Variants in PPP2R5D observed in about 807,000 individuals in gnomAD.
The protein encoded by PPP2R5D is protein phosphatase 2 regulatory subunit B'delta, also known as serine/threonine-protein phosphatase 2A 56 kDa regulatory subunit delta isoform.
A neutral mutation model predicts 79.1 loss-of-function variants in PPP2R5D; 12 were observed. The observed-to-expected ratio is 0.15, with a 90% CI of 0.10 to 0.25. The LOEUF is 0.25. Ranked by LOEUF, PPP2R5D falls within the 10% of genes least tolerant of loss-of-function variation. PPP2R5D has a pLI of 1.00. For missense variants in PPP2R5D, 419 were observed against 760.2 expected (o/e 0.55, Z 5.28); for synonymous variants, 277 against 286.6 (o/e 0.97, Z 0.34).
At chr6:42,988,160 TTC>T (rs1458545644) in intron 1 of PPP2R5D, among the ~76,000 whole-genome samples, 1 of 152,170 alleles carries the variant, frequency 6.6e-6, no homozygotes, top group Non-Finnish European at 1.5e-5. Context: ...CAGAGCTCTC[TTC>T]TCCCTGAAAT....
In PPP2R5D at chr6:43,011,264, C is replaced by G; in HGVS notation, c.1787C>G (p.Thr596Ser). Residue 596 changes from threonine (T) to serine (S), a missense_variant, in exon 16 of 16, where the codon ACT becomes AGT. By Grantham distance (58) the Thr-to-Ser change is moderately conservative (BLOSUM62 1). This residue lies in a region of PPP2R5D where 84 missense variants were observed against 105.4 expected (regional missense o/e 0.80). Transcript: ENST00000485511. Reference sequence around the variant, plus strand: ...CACAAGCGGGCGGAAGAGTTCCTAACTGCCAGCCAGGAGGCTCTCTGACCC... The same window carrying G: ...CACAAGCGGGCGGAAGAGTTCCTAAGTGCCAGCCAGGAGGCTCTCTGACCC... ...EAHKRAEEFL[T>S]ASQEAL 6.2e-7 allele frequency: 1 copy of G among 1,614,028 alleles called. No individual in the cohort carries two copies. The highest frequency in any genetic ancestry group is 1.1e-5 in the South Asian group (1 of 91,090).
intron 1 of PPP2R5D, among the ~76,000 whole-genome samples, chr6:42,985,737 C>G (rs1055809130): frequency 4.7e-4 from 71 of 152,020 alleles, no homozygotes; most frequent in Non-Finnish European, 2.2e-4. Context: ...CCCCTGAACA[C>G]CCATGTCTTT....
At position 43,012,300 on chromosome 6, in the gene PPP2R5D, T is replaced by C. The variant is rs758451717; in HGVS notation, c.*1014T>C. 25 of 1,386,256 alleles carry C rather than the reference T, an allele frequency of 1.8e-5. No homozygotes were observed. Among genetic ancestry groups the C allele is most frequent in the Non-Finnish European group, 2.3e-5 (25 of 1,068,870 alleles). 85.9% of individuals were successfully genotyped at this position (1,386,256 alleles called of 1,614,324 possible). A position where few individuals can be genotyped will look rare whatever the true frequency, so the allele number is the denominator to read the frequency against. ...CTAAGGTGGGTTGGGCTTGGACCGA[T>C]GTCCCCATATGTACAGAACTGAATA... On this transcript the variant is annotated 3_prime_UTR_variant, in exon 16 of 16. Coordinates refer to ENST00000485511, the MANE Select transcript of PPP2R5D (RefSeq NM_006245.4).
chr6:42,998,325 G>A (rs914348929), intron 2 of PPP2R5D, among the ~76,000 whole-genome samples: 51 of 151,464 alleles, frequency 3.4e-4, no homozygotes, highest in African/African-American at 1.2e-3. Context: ...TGCCTGCCTC[G>A]GCCTCCCAAA....
In PPP2R5D at chr6:43,007,149, G is replaced by A. The variant is rs752730057; in HGVS notation, c.522+39G>A. On this transcript the variant is annotated intron_variant, in intron 4 of 15. Coordinates refer to ENST00000485511, the MANE Select transcript of PPP2R5D (RefSeq NM_006245.4). This position sits in a 1 kb window ranked among gnomAD's most constrained non-coding sequence, Gnocchi z 4.5. Reference sequence around the variant, plus strand: ...AAGGACACAGGGGGGACTGGTGAGGGGCTCTGGAGAAGCCCAGGTGGAGCT... The same window carrying A: ...AAGGACACAGGGGGGACTGGTGAGGAGCTCTGGAGAAGCCCAGGTGGAGCT... 1.1e-5 allele frequency: 17 copies of A among 1,614,080 alleles called. No individual in the cohort carries two copies. The South Asian group carries it at 1.9e-4, about 18-fold the overall frequency.
At chr6:42,998,018 TA>T (rs1771847633) in intron 2 of PPP2R5D, among the ~76,000 whole-genome samples, 41 of 8,166 alleles carry the variant, frequency 5.0e-3, no homozygotes, top group African/African-American at 0.02. Flanking sequence ...GTTTTATTTA[TA>T]TATATATATA....
Position 43,008,828 on chromosome 6 carries a change from G to T in PPP2R5D, c.1080+82G>T. The T allele has an allele frequency of 1.3e-6, 2 of 1,494,804 alleles. No homozygotes were observed. The highest frequency in any genetic ancestry group is 1.8e-4 in the Middle Eastern group (1 of 5,678). The allele number at this position is 1,494,804 out of a possible 1,614,324, so 92.6% of individuals were successfully genotyped here. ...TCTGTACCTACTGGGGGTGCCATAA[G>T]GGGGAACTCAGGAGGGCTGTGACCT... On this transcript the variant is annotated intron_variant, in intron 10 of 15. Transcript: ENST00000485511. This position sits in a 1 kb window ranked among gnomAD's most constrained non-coding sequence, Gnocchi z 4.2.
Position 43,009,508 on chromosome 6 carries a change from T to C in PPP2R5D, c.1379+59T>C, listed in dbSNP as rs1762247900. ...TCCAGTTTGGGAAACTTTGAGGGTA[T>C]GGAAGAACTAAAGAGCCAGGGGTCT... is the stretch of plus-strand genomic sequence containing the variant. On this transcript the variant is annotated intron_variant, in intron 12 of 15. Coordinates refer to ENST00000485511, the MANE Select transcript of PPP2R5D (RefSeq NM_006245.4). This position sits in a 1 kb window ranked among gnomAD's most constrained non-coding sequence, Gnocchi z 5.6. The C allele has an allele frequency of 1.2e-6, 2 of 1,608,210 alleles. No individual in the cohort carries two copies. The highest frequency in any genetic ancestry group is 1.7e-6 in the Non-Finnish European group (2 of 1,176,644).
chr6:43,006,073 C>CTCTTCTTATTCCTCATGTG lies in PPP2R5D; in HGVS notation c.106-378_106-360dup, dbSNP rs1762059974. ...ACATTACTCAGAAGGCTCCTCATGT[C>CTCTTCTTATTCCTCATGTG]TCTTCTTATTCCTCATGTGTCTTCT... On this transcript the variant is annotated intron_variant, in intron 2 of 15. Coordinates refer to ENST00000485511, the MANE Select transcript of PPP2R5D (RefSeq NM_006245.4). The surrounding 1 kb of genome is among the most constrained non-coding windows in gnomAD (Gnocchi z 4.7). 1.3e-5 allele frequency among the ~76,000 whole-genome samples: 2 copies of CTCTTCTTATTCCTCATGTG among 152,182 alleles called. No individual in the cohort carries two copies. Among genetic ancestry groups the CTCTTCTTATTCCTCATGTG allele is most frequent in the Non-Finnish European group, 2.9e-5 (2 of 68,028 alleles).
intron 2 of PPP2R5D, among the ~76,000 whole-genome samples, chr6:42,997,240 T>G (rs1393896187): frequency 1.3e-5 from 2 of 152,050 alleles, no homozygotes; most frequent in African/African-American, 4.8e-5. Flanking sequence ...TTTCCCAGGC[T>G]GGAGTGCAAT....
In PPP2R5D at chr6:42,991,807, T is replaced by C. The variant is rs571013823; in HGVS notation, c.105+2119T>C. 3.9e-5 allele frequency among the ~76,000 whole-genome samples: 6 copies of C among 152,258 alleles called. No individual in the cohort carries two copies. The South Asian group carries it at 1.2e-3, about 32-fold the overall frequency. On this transcript the variant is annotated intron_variant, in intron 2 of 15. Transcript: ENST00000485511. ...GTATGCTGAGACCAACTGCTATGAT[T>C]TATCCACTGCCTTTCAAACAAATAT...
intron 1 of PPP2R5D, among the ~76,000 whole-genome samples, chr6:42,986,974 G>A (rs1315776494): frequency 1.3e-5 from 2 of 152,138 alleles, no homozygotes; most frequent in Non-Finnish European, 2.9e-5. Context: ...AGGGGCAGGG[G>A]GGTTGCCAGT....
intron 2 of PPP2R5D, among the ~76,000 whole-genome samples, chr6:42,992,835 A>G (rs542695389): frequency 6.6e-6 from 1 of 152,154 alleles, no homozygotes; most frequent in African/African-American, 2.4e-5. Flanking sequence ...AAAACAAAAC[A>G]AAACAAATTA....
intron 2 of PPP2R5D, among the ~76,000 whole-genome samples, chr6:43,004,705 A>G (rs1294831872): frequency 1.3e-5 from 2 of 149,980 alleles, no homozygotes; most frequent in African/African-American, 2.4e-5. Flanking sequence ...GCAAATTACT[A>G]TGAACGTGAA....
In PPP2R5D at chr6:43,007,147, G is replaced by T. The variant is rs776864617; in HGVS notation, c.522+37G>T. ...GAAAGGACACAGGGGGGACTGGTGA[G>T]GGGCTCTGGAGAAGCCCAGGTGGAG... On this transcript the variant is annotated intron_variant, in intron 4 of 15. Transcript: ENST00000485511. The surrounding 1 kb of genome is among the most constrained non-coding windows in gnomAD (Gnocchi z 4.5). 6.2e-7 allele frequency: 1 copy of T among 1,614,000 alleles called. No individual in the cohort carries two copies. Among genetic ancestry groups the T allele is most frequent in the African/African-American group, 1.3e-5 (1 of 74,922 alleles).
At position 43,007,702 on chromosome 6, in the gene PPP2R5D, G is replaced by A. The variant is rs1425732530; in HGVS notation, c.726+196G>A. Among the ~76,000 whole-genome samples the A allele has an allele frequency of 6.6e-6, 1 of 152,008 alleles. No homozygotes were observed. The highest frequency in any genetic ancestry group is 2.4e-5 in the African/African-American group (1 of 41,388). ...TAAGAAACTAACAACATAATGGTAGGAAACAAAAAAGCAACAGAGTACCTC... is the reference window on the plus strand; with the variant it reads ...TAAGAAACTAACAACATAATGGTAGAAAACAAAAAAGCAACAGAGTACCTC... On this transcript the variant is annotated intron_variant, in intron 6 of 15. Coordinates refer to ENST00000485511, the MANE Select transcript of PPP2R5D (RefSeq NM_006245.4). This position sits in a 1 kb window ranked among gnomAD's most constrained non-coding sequence, Gnocchi z 4.5.
rs1349588479 is a variant in PPP2R5D, at chr6:43,011,415, G to T, written c.*129G>T. On this transcript the variant is annotated 3_prime_UTR_variant, in exon 16 of 16. Transcript: ENST00000485511. Reference sequence around the variant, plus strand: ...CCTCTCTAGCTACTCAAGGGAGGGGGATGTGGGCACTTGAAGCAGGGACAC... The same window carrying T: ...CCTCTCTAGCTACTCAAGGGAGGGGTATGTGGGCACTTGAAGCAGGGACAC... 5 of 1,284,762 alleles carry T rather than the reference G, an allele frequency of 3.9e-6. No individual in the cohort carries two copies. The East Asian group carries it at 7.5e-5, about 19-fold the overall frequency. The allele number at this position is 1,284,762 out of a possible 1,614,324, so 79.6% of individuals were successfully genotyped here.
chr6:43,010,776 C>G lies in PPP2R5D; in HGVS notation c.1554+40C>G, dbSNP rs780194132. 16 of 1,610,114 alleles carry G rather than the reference C, an allele frequency of 9.9e-6. No individual in the cohort carries two copies. Among genetic ancestry groups the G allele is most frequent in the Non-Finnish European group, 1.4e-5 (16 of 1,176,510 alleles). ...CCACTGTTGTGAACTGAGGGGCCAG[C>G]CCATCTTGAGCTGGGGGAGAGTTTG... is the stretch of plus-strand genomic sequence containing the variant. On this transcript the variant is annotated intron_variant, in intron 14 of 15. Transcript: ENST00000485511. The surrounding 1 kb of genome is among the most constrained non-coding windows in gnomAD (Gnocchi z 4.7).
chr6:42,988,070 C>T (rs1770984465), intron 1 of PPP2R5D, among the ~76,000 whole-genome samples: 1 of 151,946 alleles, frequency 6.6e-6, no homozygotes, highest in African/African-American at 2.4e-5. Context: ...AACTCCTTCC[C>T]CCTACTGCAT....
Sources: gnomAD v4.1 joint callset for allele counts (sites outside exome capture counted in the v4.1 genomes callset) on GRCh38, gnomAD v4.1.1 for gene constraint, gnomAD v4.1.1 regional missense constraint, Gnocchi (gnomAD v3.1) non-coding constraint, MANE v1.5 for transcripts, NCBI Gene and HGNC (gene_info 2026-07-23, HGNC 2026-07-21) for gene names.